KIF21B: variants seen among roughly 807,000 people sequenced by gnomAD.
The protein encoded by KIF21B is kinesin family member 21B.
KIF21B carries 85 observed loss-of-function variants against 192.9 expected under a neutral mutation model. That is an observed-to-expected ratio of 0.44 (90% CI 0.37 to 0.53). The LOEUF (loss-of-function observed/expected upper bound fraction) is 0.53. Among genes scored for constraint, KIF21B ranks in the 20% least tolerant of loss-of-function variants. The pLI, the probability that KIF21B is intolerant of heterozygous loss-of-function variation, is 0.00. For missense variants in KIF21B, 1,716 were observed against 2,194.8 expected, an observed-to-expected ratio of 0.78 and a Z score of 4.36; for synonymous variants, 832 against 884.6, an observed-to-expected ratio of 0.94 and a Z score of 1.05.
rs960896210 is a variant in KIF21B, at chr1:200,999,821, G to A, written c.1767+62C>T. ...ATACAAGGATGCGGATGGGGCCCCCGCCAACCCCAGCAGGGACACAAGGCA... is the reference window on the plus strand; with the variant it reads ...ATACAAGGATGCGGATGGGGCCCCCACCAACCCCAGCAGGGACACAAGGCA... On this transcript the variant is annotated intron_variant, in intron 12 of 34. Transcript: ENST00000461742. This position sits in a 1 kb window ranked among gnomAD's most constrained non-coding sequence, Gnocchi z 4.7. The A allele has an allele frequency of 6.3e-6, 10 of 1,581,028 alleles. No individual in the cohort carries two copies. The African/African-American group carries it at 6.7e-5, about 11-fold the overall frequency.
At chr1:201,013,618 A>G (rs904204335) in intron 1 of KIF21B, among the ~76,000 whole-genome samples, 21 of 152,138 alleles carry the variant, frequency 1.4e-4, no homozygotes, top group African/African-American at 5.1e-4. Context: ...TTGGCCTCAC[A>G]AAGTGCTGGG....
chr1:201,008,940 C>T lies in KIF21B; in HGVS notation c.276G>A (p.Gly92=), dbSNP rs150839616. The T allele has an allele frequency of 1.9e-6, 3 of 1,609,422 alleles. No homozygotes were observed. The Admixed American group carries it at 5.0e-5, about 27-fold the overall frequency. ...TVLAYGQTGA[G]KTYTMGTGFD... is the part of the protein sequence containing the mutation. ...AGCCAGTGCCCATGGTGTACGTCTT[C>T]CCGGCCCCCGTCTGCATTGGCAAAG... is the stretch of plus-strand genomic sequence containing the variant. The change falls in exon 3 of 35, where the codon GGG becomes GGA. Residue 92 remains glycine (G), a synonymous_variant. Coordinates refer to ENST00000461742, the MANE Select transcript of KIF21B (RefSeq NM_001252102.2).
chr1:201,019,492 G>T (rs1015936414), intron 1 of KIF21B, among the ~76,000 whole-genome samples: 3 of 151,940 alleles, frequency 2.0e-5, no homozygotes, highest in Admixed American at 1.3e-4. Flanking sequence ...TGCCCCCAGG[G>T]TTGCAAAAAT....
Position 200,973,563 on chromosome 1 carries a change from C to A in KIF21B, c.4830G>T (p.Lys1610Asn), listed in dbSNP as rs1335791712. The stretch of plus-strand genomic sequence containing the variant: ...GGGGTAACCGCCGGACACTCCAGAA[C>A]TTCACCGTCAGGTCACTGGGGTGGA... ...IFTASSDLTV[K>N]FWSVRRLPHS... is the part of the protein sequence containing the mutation. Residue 1610 changes from lysine to asparagine, a missense_variant, in exon 35 of 35, where the codon AAG (lysine) becomes AAT (asparagine). Lys to Asn is a moderately conservative substitution (Grantham distance 94, BLOSUM62 0). Around this residue, in one of 3 missense-constraint regions of KIF21B, gnomAD observed 580 missense variants for 775.5 expected, o/e 0.75. Transcript: ENST00000461742. 4.6e-6 allele frequency: 7 copies of A among 1,515,846 alleles called. No homozygotes were observed. In the South Asian group the frequency reaches 7.4e-5, roughly 16 times the overall value. 93.9% of individuals were successfully genotyped at this position (1,515,846 alleles called of 1,614,324 possible).
chr1:200,999,782 G>C lies in KIF21B; in HGVS notation c.1767+101C>G, dbSNP rs1280370065. The C allele has an allele frequency of 1.7e-6, 2 of 1,180,142 alleles. No homozygotes were observed. The highest frequency in any genetic ancestry group is 1.5e-5 in the African/African-American group (1 of 66,548). 73.1% of individuals were successfully genotyped at this position (1,180,142 alleles called of 1,614,324 possible). On this transcript the variant is annotated intron_variant, in intron 12 of 34. Coordinates refer to ENST00000461742, the MANE Select transcript of KIF21B (RefSeq NM_001252102.2). This position sits in a 1 kb window ranked among gnomAD's most constrained non-coding sequence, Gnocchi z 4.7. ...GGATCAACTGGATGCAGACCCAACC[G>C]CCTCCTTCACTCCATACAAGGATGC...
chr1:200,981,433 A>G (rs1655919513), intron 28 of KIF21B, among the ~76,000 whole-genome samples: 2 of 152,088 alleles, frequency 1.3e-5, no homozygotes, highest in African/African-American at 4.8e-5. Flanking sequence ...AGATCCTGAG[A>G]TGTGAATGCG....
In KIF21B at chr1:200,976,872, C is replaced by A; in HGVS notation, c.4347G>T (p.Leu1449=). Residue 1449 remains leucine (L), a synonymous_variant, in exon 32 of 35, where the codon CTG becomes CTT. Transcript: ENST00000461742. ...ELSRFQPVGK[L]TGHIGPVMCL... ...ACATCACAGGGCCGATGTGGCCAGT[C>A]AGCTTGCCGACAGGCTGGAACCTGC... 6.2e-7 allele frequency: 1 copy of A among 1,610,770 alleles called. No individual in the cohort carries two copies. Among genetic ancestry groups the A allele is most frequent in the South Asian group, 1.1e-5 (1 of 90,872 alleles).
rs764174008 is a variant in KIF21B, at chr1:200,998,343, G to C, written c.2077+41C>G. 6.4e-7 allele frequency: 1 copy of C among 1,566,786 alleles called. No homozygotes were observed. ...ACAGAGGAGGGGCTCAGGGAAAAGG[G>C]AGGGTCCGGATGGGGTGGAGGGGCA... On this transcript the variant is annotated intron_variant, in intron 14 of 34. Coordinates refer to ENST00000461742, the MANE Select transcript of KIF21B (RefSeq NM_001252102.2). The surrounding 1 kb of genome is among the most constrained non-coding windows in gnomAD (Gnocchi z 4.3).
At chr1:200,988,167 C>T in intron 24 of KIF21B, 129 bp downstream of exon 24, 1 of 938,228 alleles carries the variant, frequency 1.1e-6, no homozygotes, top group Non-Finnish European at 1.7e-6. Context: ...ATTTTCTTGG[C>T]ACCTCCCTCC....
chr1:200,981,580 C>T (rs1655934240), intron 28 of KIF21B, among the ~76,000 whole-genome samples: 1 of 152,170 alleles, frequency 6.6e-6, no homozygotes, highest in Admixed American at 6.5e-5. Context: ...AGGCCATCAC[C>T]CCCATGCACC....
chr1:200,999,319 C>T lies in KIF21B; in HGVS notation c.1885+30G>A. 6.2e-7 allele frequency: 1 copy of T among 1,613,888 alleles called. No homozygotes were observed. The highest frequency in any genetic ancestry group is 1.1e-5 in the South Asian group (1 of 91,088). On this transcript the variant is annotated intron_variant, in intron 13 of 34. Transcript: ENST00000461742. The surrounding 1 kb of genome is among the most constrained non-coding windows in gnomAD (Gnocchi z 4.7). Reference sequence around the variant, plus strand: ...GGCACTGGCAGCCAGGCATTGCATCCCCCACAGCCCACAGCTCAGGCCCAC... The same window carrying T: ...GGCACTGGCAGCCAGGCATTGCATCTCCCACAGCCCACAGCTCAGGCCCAC...
chr1:201,002,868 A>G (rs1255473702), intron 8 of KIF21B: 1 of 156,900 alleles, frequency 6.4e-6, no homozygotes, highest in Non-Finnish European at 1.4e-5. Flanking sequence ...AAAGGTTGAC[A>G]ACTACGTTGT....
rs778526481 is a variant in KIF21B at position 200,990,970 on chromosome 1, G to A, written c.2634C>T (p.Asn878=). The part of the protein sequence containing the change: ...SIVRQWNRKI[N]HFLGDHPAPT... ...GCGCAGGATGGTCCCCCAAGAAGTG[G>A]TTGATTTTGCGGTTCCACTGGCGCA... The change falls in exon 18 of 35, where the codon AAC becomes AAT. Residue 878 remains asparagine, a synonymous_variant. Coordinates refer to ENST00000461742, the MANE Select transcript of KIF21B (RefSeq NM_001252102.2). The surrounding 1 kb of genome is among the most constrained non-coding windows in gnomAD (Gnocchi z 5.4). 159 of 1,614,068 alleles carry A rather than the reference G, an allele frequency of 9.9e-5. 4 individuals carry two copies. In the South Asian group the frequency reaches 1.7e-3, roughly 17 times the overall value.
At chr1:201,003,913 G>C in intron 7 of KIF21B, 132 bp from the exon 8 acceptor site, 2 of 893,708 alleles carry the variant, frequency 2.2e-6, no homozygotes, top group Non-Finnish European at 3.5e-6. Flanking sequence ...GGGCATTCAG[G>C]ACAGAACCTG....
intron 8 of KIF21B, chr1:201,003,181 G>A: frequency 4.1e-6 from 1 of 243,042 alleles, no homozygotes; most frequent in South Asian, 5.6e-5. Flanking sequence ...CCCCTCTGCA[G>A]CACACTGGAT....
intron 28 of KIF21B, among the ~76,000 whole-genome samples, chr1:200,981,715 C>T (rs571908279): frequency 8.5e-5 from 13 of 152,278 alleles, no homozygotes; most frequent in African/African-American, 2.9e-4. Flanking sequence ...CTGGCATTTA[C>T]GAAGGGCTAA....
chr1:200,995,516 G>GCAGGCCC (rs760143116), intron 15 of KIF21B, among the ~76,000 whole-genome samples: 77 of 152,322 alleles, frequency 5.1e-4, no homozygotes, highest in Non-Finnish European at 1.0e-3. Flanking sequence ...AAGCACAGGG[G>GCAGGCCC]CAGGCCCCAG....
At chr1:200,984,031 A>G (rs11811109) in intron 27 of KIF21B, among the ~76,000 whole-genome samples, 39,117 of 152,104 alleles carry the variant, frequency 0.26, 6,030 homozygotes, top group African/African-American at 0.43. Context: ...GGGAGCTAAG[A>G]GAGGAGCCCT....
intron 1 of KIF21B, among the ~76,000 whole-genome samples, 185 bp from the exon 2 acceptor site, chr1:201,009,673 C>A (rs185715954): frequency 6.6e-6 from 1 of 152,260 alleles, no homozygotes; most frequent in Non-Finnish European, 1.5e-5. Context: ...GTATCAACAT[C>A]ATCAAAACAG....
Sources: gnomAD v4.1 joint callset for allele counts (sites outside exome capture counted in the v4.1 genomes callset) on GRCh38, gnomAD v4.1.1 for gene constraint, gnomAD v4.1.1 regional missense constraint, Gnocchi (gnomAD v3.1) non-coding constraint, MANE v1.5 for transcripts, NCBI Gene and HGNC (gene_info 2026-07-23, HGNC 2026-07-21) for gene names.